CSMD1: variants seen among roughly 807,000 people sequenced by gnomAD.
The protein encoded by CSMD1 is CUB and Sushi multiple domains 1.
A neutral mutation model predicts 417.5 loss-of-function variants in CSMD1; 213 were observed. The observed-to-expected ratio is 0.51, with a 90% CI of 0.46 to 0.57. The LOEUF is 0.57. CSMD1 is among the 20% of genes least tolerant of loss of function. CSMD1 has a pLI of 0.00. For missense variants in CSMD1, 6,923 were observed against 4,529.7 expected (o/e 1.53, Z -15.17); for synonymous variants, 2,862 against 1,736.8 (o/e 1.65, Z -16.11).
rs555804412 is a variant in CSMD1 at position 3,871,240 on chromosome 8, T to C, written c.819-117198A>G. On this transcript the variant is annotated intron_variant, in intron 5 of 69. Transcript: ENST00000635120. ...AACTATATTAAAATTAGAGAATACA[T>C]ATTTTAGCACTTAATAATGCCAAAT... Among the ~76,000 whole-genome samples, 320 of 152,208 alleles carry C rather than the reference T, an allele frequency of 2.1e-3. 1 individual carries two copies. The highest frequency in any genetic ancestry group is 7.5e-3 in the African/African-American group (311 of 41,576).
chr8:4,081,503 A>G (rs1464738760), intron 3 of CSMD1, among the ~76,000 whole-genome samples: 1 of 152,190 alleles, frequency 6.6e-6, no homozygotes, highest in Non-Finnish European at 1.5e-5. Context: ...GGCTCACATG[A>G]CAAGGAACTG....
chr8:4,229,973 G>C (rs746776027), intron 3 of CSMD1, among the ~76,000 whole-genome samples: 1 of 152,086 alleles, frequency 6.6e-6, no homozygotes, highest in African/African-American at 2.4e-5. Context: ...TCCTAAAGCC[G>C]ACATTATAAC....
chr8:3,456,597 T>G (rs534136638), intron 12 of CSMD1, among the ~76,000 whole-genome samples: 1 of 152,304 alleles, frequency 6.6e-6, no homozygotes, highest in African/African-American at 2.4e-5. Context: ...CCTAGTTGCG[T>G]TCTCTCCTAT....
chr8:3,291,293 T>C (rs1391175462), intron 25 of CSMD1, among the ~76,000 whole-genome samples: 1 of 152,158 alleles, frequency 6.6e-6, no homozygotes, highest in African/African-American at 2.4e-5. Context: ...TCTCTTTTTT[T>C]GTTGTGTCTC....
chr8:4,672,325 G>C (rs1008024411), intron 1 of CSMD1, among the ~76,000 whole-genome samples: 2 of 152,122 alleles, frequency 1.3e-5, no homozygotes, highest in African/African-American at 4.8e-5. Context: ...TCAACCTAGG[G>C]TAAAAGGTGA....
intron 5 of CSMD1, among the ~76,000 whole-genome samples, chr8:3,829,299 C>T (rs4442171): frequency 0.33 from 50,095 of 151,926 alleles, 8,818 homozygotes; most frequent in East Asian, 0.59. Flanking sequence ...CATTCCTGAG[C>T]TACTTCACTT....
At chr8:3,306,297 C>G (rs866261486) in intron 25 of CSMD1, among the ~76,000 whole-genome samples, 1 of 152,162 alleles carries the variant, frequency 6.6e-6, no homozygotes, top group Non-Finnish European at 1.5e-5. Context: ...CCTCAGTATC[C>G]TGAGTAGCTG....
chr8:4,897,842 G>T (rs916293767), intron 1 of CSMD1, among the ~76,000 whole-genome samples: 2 of 152,130 alleles, frequency 1.3e-5, no homozygotes, highest in Non-Finnish European at 2.9e-5. Flanking sequence ...ATAATGCTAA[G>T]AAGAGAAAGG....
At position 3,765,241 on chromosome 8, in the gene CSMD1, G is replaced by A. The variant is rs554542669; in HGVS notation, c.819-11199C>T. ...TCCCTCGACTGTCTGCTGTGCTCCT[G>A]CTTTCGCCCTTGATCCTGTGCAGTC... On this transcript the variant is annotated intron_variant, in intron 5 of 69. Coordinates refer to ENST00000635120, the MANE Select transcript of CSMD1 (RefSeq NM_033225.6). Among the ~76,000 whole-genome samples the A allele has an allele frequency of 4.6e-5, 7 of 152,240 alleles. No individual in the cohort carries two copies. In the East Asian group the frequency reaches 1.2e-3, roughly 25 times the overall value.
chr8:3,258,897 C>G (rs1229718886), intron 26 of CSMD1, among the ~76,000 whole-genome samples: 1 of 152,154 alleles, frequency 6.6e-6, no homozygotes, highest in Non-Finnish European at 1.5e-5. Flanking sequence ...ACGATGAGAA[C>G]ACATGGACAC....
At chr8:4,800,731 A>C (rs76713410) in intron 1 of CSMD1, among the ~76,000 whole-genome samples, 7,981 of 152,202 alleles carry the variant, frequency 0.052, 365 homozygotes, top group East Asian at 0.23. Context: ...TGCATTGCTT[A>C]AGGCCTCTGG....
intron 23 of CSMD1, among the ~76,000 whole-genome samples, chr8:3,309,140 A>C (rs938158025): frequency 1.3e-4 from 20 of 151,936 alleles, no homozygotes; most frequent in Non-Finnish European, 2.8e-4. Context: ...GGAACGGGAT[A>C]CTCTGCTGCC....
chr8:3,746,145 T>C (rs574797378), intron 6 of CSMD1, among the ~76,000 whole-genome samples: 1 of 152,176 alleles, frequency 6.6e-6, no homozygotes. Context: ...ACAGAGAACA[T>C]GAAGAATAAG....
intron 3 of CSMD1, among the ~76,000 whole-genome samples, chr8:4,205,403 C>T (rs1187911341): frequency 6.6e-6 from 1 of 152,208 alleles, no homozygotes; most frequent in Non-Finnish European, 1.5e-5. Context: ...GCATGTGCCT[C>T]ATCTCTTTTT....
intron 38 of CSMD1, 90 bp from the exon 39 acceptor site, chr8:3,158,056 T>C (rs1454245381): frequency 2.3e-5 from 25 of 1,089,168 alleles, no homozygotes; most frequent in Non-Finnish European, 3.2e-5. Flanking sequence ...TTTTTTCCTT[T>C]CTTGTTTTAA....
chr8:4,173,207 T>A (rs1000709550), intron 3 of CSMD1, among the ~76,000 whole-genome samples: 1 of 152,164 alleles, frequency 6.6e-6, no homozygotes, highest in Non-Finnish European at 1.5e-5. Context: ...GAATTTCAGA[T>A]AAACGACCAA....
intron 1 of CSMD1, among the ~76,000 whole-genome samples, chr8:4,743,938 TTC>T (rs1180236252): frequency 6.6e-6 from 1 of 152,202 alleles, no homozygotes; most frequent in African/African-American, 2.4e-5. Flanking sequence ...CCACAGCACT[TTC>T]TCTCTTCCCA....
intron 5 of CSMD1, among the ~76,000 whole-genome samples, chr8:3,794,500 T>C (rs924373422): frequency 4.6e-5 from 7 of 152,164 alleles, no homozygotes; most frequent in African/African-American, 1.7e-4. Flanking sequence ...ACTCTCTGCA[T>C]TACATTGTAT....
At chr8:4,106,833 G>A (rs376656493) in intron 3 of CSMD1, among the ~76,000 whole-genome samples, 24 of 152,078 alleles carry the variant, frequency 1.6e-4, no homozygotes, top group Non-Finnish European at 2.9e-4. Flanking sequence ...CACACTATCC[G>A]AAGTCAGAGA....
Sources: allele counts gnomAD v4.1 joint callset (sites outside exome capture counted in the v4.1 genomes callset), GRCh38; gene constraint gnomAD v4.1.1; transcripts MANE v1.5; gene names NCBI Gene and HGNC (gene_info 2026-07-23, HGNC 2026-07-21).